The following TFCP2L1 variants were observed in gnomAD, a reference collection of about 807,000 sequenced individuals.
The protein encoded by TFCP2L1 is transcription factor CP2-like protein 1.
A neutral mutation model predicts 72.2 loss-of-function variants in TFCP2L1; 12 were observed. The ratio of observed to expected loss-of-function variants is 0.17; its 90% CI spans 0.11 to 0.27. TFCP2L1 has a LOEUF of 0.27. TFCP2L1 is among the 10% of genes least tolerant of loss of function. TFCP2L1 has a pLI of 1.00. For synonymous variants in TFCP2L1, 260 were observed against 251.0 expected (o/e 1.04, Z -0.34); for missense variants, 488 against 624.6 (o/e 0.78, Z 2.33).
chr2:121,284,561 C>T (rs1488948823), intron 1 of TFCP2L1, among the ~76,000 whole-genome samples: 1 of 152,226 alleles, frequency 6.6e-6, no homozygotes, highest in Non-Finnish European at 1.5e-5. Context: ...GAGCCCGCCG[C>T]CCGCCCCTCG....
rs1213956916 is a variant in TFCP2L1, at chr2:121,285,096, T to C, written c.14A>G (p.His5Arg). 1 of 1,517,978 alleles carries C rather than the reference T, an allele frequency of 6.6e-7. No homozygotes were observed. The highest frequency in any genetic ancestry group is 8.8e-7 in the Non-Finnish European group (1 of 1,134,358). 94.0% of individuals were successfully genotyped at this position (1,517,978 alleles called of 1,614,324 possible). A position where few individuals can be genotyped will look rare whatever the true frequency, so the allele number is the denominator to read the frequency against. ...CTGGTTGTAGTGCTCGGGCTGCGTGTGCCAGAAGAGCATGGCTGGAACTCC... is the reference window on the plus strand; with the variant it reads ...CTGGTTGTAGTGCTCGGGCTGCGTGCGCCAGAAGAGCATGGCTGGAACTCC... MLFW[H>R]TQPEHYNQHN... Residue 5 changes from histidine (H) to arginine (R), a missense_variant, in exon 1 of 15, where the codon CAC becomes CGC. By Grantham distance (29) the His-to-Arg change is conservative. Around this residue, in one of 3 missense-constraint regions of TFCP2L1, gnomAD observed 73 missense variants for 59.7 expected, o/e 1.22. Coordinates refer to ENST00000263707, the MANE Select transcript of TFCP2L1 (RefSeq NM_014553.3).
chr2:121,281,261 C>G lies in TFCP2L1; in HGVS notation c.73G>C (p.Ala25Pro). 2 of 1,604,320 alleles carry G rather than the reference C, an allele frequency of 1.2e-6. No individual in the cohort carries two copies. Among genetic ancestry groups the G allele is most frequent in the South Asian group, 1.1e-5 (1 of 89,990 alleles). Residue 25 changes from alanine to proline, a missense_variant, in exon 2 of 15, where the codon GCT becomes CCT. Ala to Pro is a conservative substitution (Grantham distance 27). Around this residue, in one of 3 missense-constraint regions of TFCP2L1, gnomAD observed 73 missense variants for 59.7 expected, o/e 1.22. Transcript: ENST00000263707. ...NSGSYLRDVL[A>P]LPIFKQEEPQ... ...TCCTCCTGCTTGAAGATGGGCAGAG[C>G]GAGCACATCACTGCAACACACGGGA...
At position 121,217,591 on chromosome 2, in the gene TFCP2L1, A is replaced by T. The variant is rs1391763617; in HGVS notation, c.*6750T>A. The T allele has an allele frequency of 6.6e-6, 1 of 152,626 alleles. No individual in the cohort carries two copies. The highest frequency in any genetic ancestry group is 2.4e-5 in the African/African-American group (1 of 41,480). The allele number at this position is 152,626 out of a possible 1,614,324, so 9.5% of individuals were successfully genotyped here. On this transcript the variant is annotated 3_prime_UTR_variant, in exon 15 of 15. Transcript: ENST00000263707. ...CAGTCCCCTTTGTAGCAGGAAGAGC[A>T]GCTGGACACATGGGAAGAGGCTTGC... is the stretch of plus-strand genomic sequence containing the variant.
intron 2 of TFCP2L1, among the ~76,000 whole-genome samples, chr2:121,269,093 C>A: frequency 6.6e-6 from 1 of 151,232 alleles, no homozygotes; most frequent in African/African-American, 2.4e-5. Context: ...CTAAATGGGA[C>A]ATGAAATACA....
intron 6 of TFCP2L1, 67 bp downstream of exon 6, chr2:121,246,751 T>C: frequency 1.3e-6 from 2 of 1,597,294 alleles, no homozygotes; most frequent in Non-Finnish European, 1.7e-6. Flanking sequence ...CCAGGGTCTC[T>C]GTGGGCGAAT....
At position 121,242,473 on chromosome 2, in the gene TFCP2L1, C is replaced by A. The variant is rs1250327833; in HGVS notation, c.658-4G>T. 3 of 1,613,664 alleles carry A rather than the reference C, an allele frequency of 1.9e-6. No individual in the cohort carries two copies. Among genetic ancestry groups the A allele is most frequent in the South Asian group, 2.2e-5 (2 of 91,078 alleles). ...GTTTCCGATCGGCTCCCTTCGGCTG[C>A]GAGCAGAGTACAGAGTCCAATCAGC... On this transcript the variant is annotated splice_polypyrimidine_tract_variant and splice_region_variant and intron_variant, in intron 6 of 14. Transcript: ENST00000263707.
intron 7 of TFCP2L1, among the ~76,000 whole-genome samples, chr2:121,242,083 CAAAAAAAAAA>C (rs541937558): frequency 1.1e-4 from 7 of 65,486 alleles, no homozygotes; most frequent in Non-Finnish European, 1.6e-4. Context: ...ATTACCTACT[CAAAAAAAAAA>C]AAAAAAAAAA....
At chr2:121,281,316 G>A (rs2104772220) in intron 1 of TFCP2L1, 45 bp from the exon 2 acceptor site, 2 of 1,540,270 alleles carry the variant, frequency 1.3e-6, no homozygotes, top group Non-Finnish European at 1.7e-6. Context: ...GCCCCAGGGG[G>A]CTCCTGCACA....
intron 12 of TFCP2L1, among the ~76,000 whole-genome samples, chr2:121,232,656 G>C (rs997008027): frequency 1.3e-5 from 2 of 152,170 alleles, no homozygotes; most frequent in Non-Finnish European, 2.9e-5. Flanking sequence ...TGGATAGCTG[G>C]AGGGCAATGA....
At chr2:121,246,702 G>C in intron 6 of TFCP2L1, 116 bp downstream of exon 6, 1 of 1,355,258 alleles carries the variant, frequency 7.4e-7, no homozygotes, top group South Asian at 1.3e-5. Flanking sequence ...ATGTGCTAAA[G>C]GGATGCTGCG....
At chr2:121,259,424 TATAG>T (rs1686789800) in intron 2 of TFCP2L1, among the ~76,000 whole-genome samples, 1 of 152,240 alleles carries the variant, frequency 6.6e-6, no homozygotes. Flanking sequence ...TATATACATC[TATAG>T]ATAGTTACAC....
At chr2:121,239,009 C>T (rs924055458) in intron 8 of TFCP2L1, among the ~76,000 whole-genome samples, 4 of 152,112 alleles carry the variant, frequency 2.6e-5, no homozygotes, top group African/African-American at 9.7e-5. Context: ...CCCATGGCCC[C>T]GTGCTGTGCA....
At chr2:121,235,882 T>C (rs76512888) in intron 10 of TFCP2L1, among the ~76,000 whole-genome samples, 17,263 of 151,994 alleles carry the variant, frequency 0.11, 1,122 homozygotes, top group Middle Eastern at 0.15. Context: ...CAGTGAAACA[T>C]TGCCAGCCTC....
rs72828950 is a variant in TFCP2L1 at position 121,225,723 on chromosome 2, A to G, written c.1342-110T>C. Reference sequence around the variant, plus strand: ...GCTGCAGAAACACCACTGCCAAGCCACTGCCACGGTGCCCACACACACAGG... The same window carrying G: ...GCTGCAGAAACACCACTGCCAAGCCGCTGCCACGGTGCCCACACACACAGG... On this transcript the variant is annotated intron_variant, in intron 13 of 14. Coordinates refer to ENST00000263707, the MANE Select transcript of TFCP2L1 (RefSeq NM_014553.3). 9,673 of 1,134,344 alleles carry G rather than the reference A, an allele frequency of 8.5e-3. 133 individuals are homozygous for G. Among genetic ancestry groups the G allele is most frequent in the Middle Eastern group, 0.038 (189 of 5,036 alleles). 70.3% of individuals were successfully genotyped at this position (1,134,344 alleles called of 1,614,324 possible). A position where few individuals can be genotyped will look rare whatever the true frequency, so the allele number is the denominator to read the frequency against.
intron 2 of TFCP2L1, among the ~76,000 whole-genome samples, chr2:121,256,533 T>C (rs1686723465): frequency 6.6e-6 from 1 of 152,128 alleles, no homozygotes; most frequent in Admixed American, 6.5e-5. Flanking sequence ...ATCCCAGCAC[T>C]TTGGGAGGCC....
At chr2:121,267,181 G>T (rs1475470042) in intron 2 of TFCP2L1, among the ~76,000 whole-genome samples, 1 of 152,072 alleles carries the variant, frequency 6.6e-6, no homozygotes, top group Non-Finnish European at 1.5e-5. Flanking sequence ...ACCTCCCAAA[G>T]TCCTGGGATT....
intron 13 of TFCP2L1, among the ~76,000 whole-genome samples, chr2:121,226,695 T>G (rs1686037915): frequency 6.6e-6 from 1 of 152,172 alleles, no homozygotes; most frequent in Non-Finnish European, 1.5e-5. Context: ...GCCAACCTTT[T>G]TAACTTCCTG....
At chr2:121,259,641 C>T (rs1049519994) in intron 2 of TFCP2L1, among the ~76,000 whole-genome samples, 4 of 152,128 alleles carry the variant, frequency 2.6e-5, no homozygotes, top group Non-Finnish European at 5.9e-5. Context: ...AGACCTAGAT[C>T]TGTTATAGAT....
At chr2:121,228,577 T>C (rs1395967133) in intron 13 of TFCP2L1, among the ~76,000 whole-genome samples, 2 of 150,168 alleles carry the variant, frequency 1.3e-5, no homozygotes. Context: ...CTGGGCAACA[T>C]GGCGAAATGT....
Sources: allele counts gnomAD v4.1 joint callset (sites outside exome capture counted in the v4.1 genomes callset), GRCh38; gene constraint gnomAD v4.1.1; regional missense constraint gnomAD v4.1.1; transcripts MANE v1.5; gene names NCBI Gene and HGNC (gene_info 2026-07-23, HGNC 2026-07-21).